Variants in TUBB3 observed in about 807,000 individuals in gnomAD.
The protein encoded by TUBB3 is tubulin beta-3 chain.
A neutral mutation model predicts 37.8 loss-of-function variants in TUBB3; 17 were observed. The ratio of observed to expected loss-of-function variants is 0.45; its 90% CI spans 0.31 to 0.67. The LOEUF is 0.67. Ranked by LOEUF, TUBB3 falls within the 30% of genes least tolerant of loss-of-function variation. The probability of loss-of-function intolerance (pLI) is 0.07; values close to 1 mark genes in which losing one functional copy is unlikely to be tolerated. For synonymous variants in TUBB3, 332 were observed against 278.9 expected, an observed-to-expected ratio of 1.19 and a Z score of -1.90; for missense variants, 262 against 657.9, an observed-to-expected ratio of 0.40 and a Z score of 6.58.
chr16:89,931,248 G>C (rs2151091485), intron 1 of TUBB3, among the ~76,000 whole-genome samples: 1 of 152,330 alleles, frequency 6.6e-6, no homozygotes, highest in South Asian at 2.1e-4. Flanking sequence ...ATGAGCCACT[G>C]TGCCCGGCCC....
chr16:89,924,454 G>A lies in TUBB3; in HGVS notation c.57+996G>A, dbSNP rs530099276. Among the ~76,000 whole-genome samples, 293 of 113,468 alleles carry A rather than the reference G, an allele frequency of 2.6e-3. 1 individual carries two copies. Among genetic ancestry groups the A allele is most frequent in the Non-Finnish European group, 3.8e-3 (235 of 62,004 alleles). The allele number at this position is 113,468 out of a possible 152,430, so 74.4% of individuals were successfully genotyped here. On this transcript the variant is annotated intron_variant, in intron 1 of 3. Coordinates refer to ENST00000315491, the MANE Select transcript of TUBB3 (RefSeq NM_006086.4). ...GATCTGCCCTCCGAACAGTGTTGGG[G>A]AACAGGGGATCGGGGGGGGAGGCTG...
chr16:89,932,721 AC>A, intron 2 of TUBB3, 42 bp downstream of exon 2: 1 of 1,525,092 alleles, frequency 6.6e-7, no homozygotes, highest in Non-Finnish European at 9.1e-7. Context: ...CCCTGGACTG[AC>A]CAGGTCTCAG....
intron 1 of TUBB3, chr16:89,931,775 C>G (rs1346589911): frequency 3.3e-6 from 1 of 305,598 alleles, no homozygotes; most frequent in Non-Finnish European, 7.1e-6. Flanking sequence ...CAGGCCCAGC[C>G]CCTGAGTCTA....
intron 1 of TUBB3, 71 bp from the exon 2 acceptor site, chr16:89,932,500 C>A: frequency 1.5e-6 from 2 of 1,334,220 alleles, no homozygotes; most frequent in Non-Finnish European, 2.2e-6. Context: ...GGCTAAAAGG[C>A]TTCACAAGGG....
chr16:89,935,417 C>T lies in TUBB3; in HGVS notation c.966C>T (p.Ser322=), dbSNP rs866808095. ...CCACCGTGTTCCGGGGCCGCATGTC[C>T]ATGAAGGAGGTGGACGAGCAGATGC... ...TVATVFRGRM[S]MKEVDEQMLA... is the part of the protein sequence containing the mutation. Residue 322 remains serine, a synonymous_variant, in exon 4 of 4, where the codon TCC becomes TCT. Transcript: ENST00000315491. 3 of 1,614,070 alleles carry T rather than the reference C, an allele frequency of 1.9e-6. No homozygotes were observed. Among genetic ancestry groups the T allele is most frequent in the South Asian group, 1.1e-5 (1 of 91,092 alleles).
At chr16:89,934,585 G>A (rs2030388610) in intron 3 of TUBB3, 144 bp from the exon 4 acceptor site, 1 of 807,862 alleles carries the variant, frequency 1.2e-6, no homozygotes, top group Non-Finnish European at 2.0e-6. Context: ...GGTATGAGAA[G>A]GGGTGCTCAG....
At chr16:89,923,921 C>G (rs2029975359) in intron 1 of TUBB3, among the ~76,000 whole-genome samples, 1 of 152,298 alleles carries the variant, frequency 6.6e-6, no homozygotes, top group African/African-American at 2.4e-5. Context: ...GCCGAACGTC[C>G]CCCGAGAGGC....
In TUBB3 at chr16:89,932,734, G is replaced by A. The variant is rs905258274; in HGVS notation, c.166+55G>A. ...AGCCCTGGACTGACCAGGTCTCAGCGTCTGACTGACCAGGTCTCAGCACCT... is the reference window on the plus strand; with the variant it reads ...AGCCCTGGACTGACCAGGTCTCAGCATCTGACTGACCAGGTCTCAGCACCT... On this transcript the variant is annotated intron_variant, in intron 2 of 3. Transcript: ENST00000315491. The A allele has an allele frequency of 4.4e-5, 63 of 1,441,526 alleles. No homozygotes were observed. The African/African-American group carries it at 5.6e-4, about 13-fold the overall frequency. 89.3% of individuals were successfully genotyped at this position (1,441,526 alleles called of 1,614,324 possible).
chr16:89,932,299 A>G (rs542614561), intron 1 of TUBB3, among the ~76,000 whole-genome samples: 62 of 152,370 alleles, frequency 4.1e-4, no homozygotes, highest in African/African-American at 1.5e-3. Flanking sequence ...GCAGCTGCAC[A>G]GCTGGGCCTG....
chr16:89,931,674 T>C (rs2030283101), intron 1 of TUBB3: 1 of 174,080 alleles, frequency 5.7e-6, no homozygotes, highest in Non-Finnish European at 1.3e-5. Context: ...TCGTGCCCAT[T>C]GTACAGATGA....
At chr16:89,934,374 C>G (rs1313349411) in intron 3 of TUBB3, 11 of 510,100 alleles carry the variant, frequency 2.2e-5, no homozygotes, top group Non-Finnish European at 3.8e-6. Flanking sequence ...CCCCCAGCTG[C>G]CAGGGATTCT....
Position 89,924,608 on chromosome 16 carries a change from C to T in TUBB3, c.57+1150C>T, listed in dbSNP as rs182703839. On this transcript the variant is annotated intron_variant, in intron 1 of 3. Transcript: ENST00000315491. The stretch of plus-strand genomic sequence containing the variant: ...GAAAGGCAGCCTCCGGAGGCTGTTG[C>T]CATGGAAACCAGGCAGGAACAAAAA... 3.5e-3 allele frequency among the ~76,000 whole-genome samples: 539 copies of T among 152,056 alleles called. 3 individuals carry two copies. Among genetic ancestry groups the T allele is most frequent in the African/African-American group, 0.012 (514 of 41,456 alleles).
chr16:89,927,516 C>T (rs1216756640), intron 1 of TUBB3, among the ~76,000 whole-genome samples: 1 of 152,134 alleles, frequency 6.6e-6, no homozygotes, highest in Non-Finnish European at 1.5e-5. Context: ...ACCTGGTGCC[C>T]ATCTAGCCAC....
upstream of TUBB3, chr16:89,923,338 G>A (rs942213024): frequency 5.1e-6 from 7 of 1,381,534 alleles, no homozygotes; most frequent in African/African-American, 1.5e-5. Flanking sequence ...CGCGGTCCCC[G>A]ACCCTCAGCA....
At chr16:89,926,824 TCTC>T (rs1172855631) in intron 1 of TUBB3, among the ~76,000 whole-genome samples, 4 of 151,994 alleles carry the variant, frequency 2.6e-5, no homozygotes, top group Admixed American at 2.0e-4. Context: ...TTCAAGCTAT[TCTC>T]CTGCCTCAGC....
At chr16:89,923,287 C>A (rs968071503), upstream of TUBB3, 42 of 849,820 alleles carry the variant, frequency 4.9e-5, no homozygotes, top group Non-Finnish European at 6.6e-5. Context: ...GTGACATCAG[C>A]CGATGCGAAG....
At chr16:89,923,514 C>G (rs1567760412) in intron 1 of TUBB3, 56 bp downstream of exon 1, 3 of 1,343,770 alleles carry the variant, frequency 2.2e-6, no homozygotes, top group Non-Finnish European at 2.9e-6. Context: ...AGGGAGGCGC[C>G]GTGCCCCGCG....
chr16:89,932,127 C>T, intron 1 of TUBB3: 1 of 309,322 alleles, frequency 3.2e-6, no homozygotes, highest in Non-Finnish European at 6.4e-6. Flanking sequence ...CGATCCTGAG[C>T]TCTGGGCCTC....
intron 1 of TUBB3, among the ~76,000 whole-genome samples, chr16:89,930,831 C>CTTT (rs779118425): frequency 1.4e-5 from 2 of 141,050 alleles, no homozygotes; most frequent in Non-Finnish European, 3.1e-5. Context: ...CGAGAGGCAT[C>CTTT]TTTTTTTTTT....
Sources: gnomAD v4.1 joint callset for allele counts (sites outside exome capture counted in the v4.1 genomes callset) on GRCh38, gnomAD v4.1.1 for gene constraint, MANE v1.5 for transcripts, NCBI Gene and HGNC (gene_info 2026-07-23, HGNC 2026-07-21) for gene names.